Variants in NAV2 observed in about 807,000 individuals in gnomAD.
NAV2 encodes the protein neuron navigator 2.
NAV2 carries 54 observed loss-of-function variants against 223.2 expected under a neutral mutation model. The observed-to-expected ratio is 0.24, with a 90% confidence interval of 0.19 to 0.30. The LOEUF (loss-of-function observed/expected upper bound fraction) is 0.30. Among genes scored for constraint, NAV2 ranks in the 10% least tolerant of loss-of-function variants. The probability of loss-of-function intolerance (pLI) is 1.00; values close to 1 mark genes in which losing one functional copy is unlikely to be tolerated. For synonymous variants in NAV2, 1,279 were observed against 1,239.3 expected (o/e 1.03, Z -0.67); for missense variants, 2,806 against 3,147.5 (o/e 0.89, Z 2.60).
Position 19,764,875 on chromosome 11 carries a change from A to G in NAV2, c.267+50913A>G, listed in dbSNP as rs566566756. On this transcript the variant is annotated intron_variant, in intron 1 of 37. Transcript: ENST00000349880. ...GCAGCAACACCTGCCCAGTTGTTCA[A>G]ACTAAAAACCTAAGAGTCATCCTTC... 1.1e-4 allele frequency among the ~76,000 whole-genome samples: 16 copies of G among 152,224 alleles called. No individual in the cohort carries two copies. The East Asian group carries it at 3.1e-3, about 29-fold the overall frequency.
chr11:19,546,063 G>A (rs1211212092), intron 1 of NAV2, among the ~76,000 whole-genome samples: 1 of 152,078 alleles, frequency 6.6e-6, no homozygotes, highest in African/African-American at 2.4e-5. Flanking sequence ...TGCTTCCAGG[G>A]AACCCTAGAA....
intron 1 of NAV2, among the ~76,000 whole-genome samples, chr11:19,715,806 G>A (rs940359285): frequency 1.3e-5 from 2 of 152,026 alleles, no homozygotes; most frequent in Non-Finnish European, 2.9e-5. Context: ...CACCTCTCTC[G>A]CCCTCAATGG....
At chr11:19,514,291 T>A (rs2043371429) in intron 1 of NAV2, among the ~76,000 whole-genome samples, 1 of 152,210 alleles carries the variant, frequency 6.6e-6, no homozygotes, top group Non-Finnish European at 1.5e-5. Flanking sequence ...GGGAGACTGT[T>A]GTCCTCAGTA....
intron 20 of NAV2, among the ~76,000 whole-genome samples, chr11:20,065,117 T>C (rs2058961447): frequency 6.6e-6 from 1 of 152,256 alleles, no homozygotes; most frequent in Non-Finnish European, 1.5e-5. Flanking sequence ...CTGGCTAGAC[T>C]CTGCTACCGC....
intron 11 of NAV2, among the ~76,000 whole-genome samples, chr11:20,022,034 T>A (rs2054557903): frequency 6.6e-6 from 1 of 152,164 alleles, no homozygotes; most frequent in African/African-American, 2.4e-5. Flanking sequence ...CTGCTTCCAC[T>A]GGAGAGGCCA....
chr11:19,510,671 C>T (rs1286651321), intron 1 of NAV2, among the ~76,000 whole-genome samples: 1 of 152,224 alleles, frequency 6.6e-6, no homozygotes, highest in African/African-American at 2.4e-5. Flanking sequence ...TGCATGGTGC[C>T]TGTGTATTGT....
chr11:20,044,314 G>A (rs1447740737), intron 13 of NAV2, 42 bp downstream of exon 13: 2 of 1,543,984 alleles, frequency 1.3e-6, no homozygotes, highest in African/African-American at 2.7e-5. Context: ...TTGACATTTT[G>A]AAAACCAAAG....
intron 1 of NAV2, among the ~76,000 whole-genome samples, chr11:19,584,195 T>C (rs1034039506): frequency 2.0e-5 from 3 of 152,140 alleles, no homozygotes; most frequent in African/African-American, 7.2e-5. Context: ...TCTGATGGTT[T>C]TTTGTATTTC....
intron 1 of NAV2, among the ~76,000 whole-genome samples, chr11:19,714,937 G>T (rs1362299109): frequency 6.6e-6 from 1 of 152,200 alleles, no homozygotes; most frequent in Non-Finnish European, 1.5e-5. Context: ...CCTGACGGAT[G>T]TGACTGTCCG....
intron 6 of NAV2, among the ~76,000 whole-genome samples, chr11:19,927,347 C>G (rs1480177610): frequency 6.6e-6 from 1 of 152,176 alleles, no homozygotes; most frequent in East Asian, 1.9e-4. Flanking sequence ...TTTGGGAGGC[C>G]AAGGTGGGAA....
At chr11:19,812,724 A>T (rs1205249337) in intron 1 of NAV2, among the ~76,000 whole-genome samples, 1 of 152,064 alleles carries the variant, frequency 6.6e-6, no homozygotes, top group East Asian at 1.9e-4. Flanking sequence ...AACACTGCAT[A>T]CCAGAGTTTT....
rs189133267 is a variant in NAV2 at position 19,758,201 on chromosome 11, A to T, written c.267+44239A>T. Among the ~76,000 whole-genome samples, 9 of 152,342 alleles carry T rather than the reference A, an allele frequency of 5.9e-5. No homozygotes were observed. In the East Asian group the frequency reaches 1.7e-3, roughly 29 times the overall value. On this transcript the variant is annotated intron_variant, in intron 1 of 37. Coordinates refer to ENST00000349880, the MANE Select transcript of NAV2 (RefSeq NM_145117.5). ...GCACTGGGACACAAGAATGAACAAAACAGGAGGGTCCTGCCCTCATAGAAA... is the reference window on the plus strand; with the variant it reads ...GCACTGGGACACAAGAATGAACAAATCAGGAGGGTCCTGCCCTCATAGAAA...
intron 1 of NAV2, among the ~76,000 whole-genome samples, chr11:19,758,358 C>G (rs1471616601): frequency 1.3e-5 from 2 of 152,218 alleles, no homozygotes; most frequent in South Asian, 2.1e-4. Context: ...TGAGGAGGGA[C>G]TGTGTGAGAT....
chr11:20,004,374 T>A (rs1342042850), intron 11 of NAV2, among the ~76,000 whole-genome samples: 2 of 152,180 alleles, frequency 1.3e-5, no homozygotes, highest in African/African-American at 4.8e-5. Context: ...TTCTGTCAAA[T>A]GGGCATGTAA....
At chr11:19,378,296 C>T (rs1353084002) in intron 1 of NAV2, among the ~76,000 whole-genome samples, 1 of 152,136 alleles carries the variant, frequency 6.6e-6, no homozygotes, top group Non-Finnish European at 1.5e-5. Flanking sequence ...TTCATTTTCA[C>T]GTCCAGTCGT....
At chr11:19,837,136 A>G (rs188519382) in intron 2 of NAV2, among the ~76,000 whole-genome samples, 124 of 152,362 alleles carry the variant, frequency 8.1e-4, no homozygotes, top group African/African-American at 2.8e-3. Context: ...GCTACAAAGA[A>G]TAATCCAATC....
intron 1 of NAV2, chr11:19,502,925 T>C (rs1191484920): frequency 2.6e-5 from 4 of 152,270 alleles, no homozygotes; most frequent in Admixed American, 6.5e-5. Flanking sequence ...GTGTCCACAT[T>C]GTGTTAGTTG....
chr11:19,811,325 T>C (rs1299352343), intron 1 of NAV2, among the ~76,000 whole-genome samples: 1 of 151,962 alleles, frequency 6.6e-6, no homozygotes, highest in Non-Finnish European at 1.5e-5. Flanking sequence ...GGGGGAGAAA[T>C]GGCAGCACCC....
At chr11:19,816,189 A>G (rs781230504) in intron 1 of NAV2, among the ~76,000 whole-genome samples, 77 of 152,342 alleles carry the variant, frequency 5.1e-4, no homozygotes, top group Middle Eastern at 3.4e-3. Flanking sequence ...CACTGTGGCC[A>G]AGTCTCTTGG....
Sources: allele counts gnomAD v4.1 joint callset (sites outside exome capture counted in the v4.1 genomes callset), GRCh38; gene constraint gnomAD v4.1.1; transcripts MANE v1.5; gene names NCBI Gene and HGNC (gene_info 2026-07-23, HGNC 2026-07-21).